ALOX5: variants seen among roughly 807,000 people sequenced by gnomAD.
The protein encoded by ALOX5 is polyunsaturated fatty acid 5-lipoxygenase.
ALOX5 carries 64 observed loss-of-function variants against 87.9 expected under a neutral mutation model. The observed-to-expected ratio is 0.73, with a 90% CI of 0.60 to 0.90. ALOX5 has a LOEUF of 0.90. ALOX5 is among the 40% of genes least tolerant of loss of function. ALOX5 has a pLI of 0.00. For missense variants in ALOX5, 822 were observed against 907.5 expected, an observed-to-expected ratio of 0.91 and a Z score of 1.21; for synonymous variants, 388 against 355.1, an observed-to-expected ratio of 1.09 and a Z score of -1.04.
chr10:45,441,309 G>T, intron 8 of ALOX5, 35 bp from the exon 9 acceptor site: 2 of 1,595,606 alleles, frequency 1.3e-6, no homozygotes, highest in Non-Finnish European at 1.7e-6. Context: ...ACCTGACTGG[G>T]CCCCCTCTGA....
chr10:45,438,100 A>T (rs1222163561), intron 7 of ALOX5, among the ~76,000 whole-genome samples: 1 of 150,920 alleles, frequency 6.6e-6, no homozygotes, highest in Non-Finnish European at 1.5e-5. Context: ...GAATCATATC[A>T]TGGATGAACA....
intron 2 of ALOX5, among the ~76,000 whole-genome samples, chr10:45,392,109 A>G (rs1218278874): frequency 6.7e-6 from 1 of 150,262 alleles, no homozygotes; most frequent in Non-Finnish European, 1.5e-5. Context: ...CCGCCCGGCC[A>G]GCTGCCCCGT....
chr10:45,393,800 A>G (rs1157786929), intron 2 of ALOX5, among the ~76,000 whole-genome samples: 1 of 152,242 alleles, frequency 6.6e-6, no homozygotes, highest in Non-Finnish European at 1.5e-5. Flanking sequence ...AAGCATTCTT[A>G]TACACCAATA....
At chr10:45,376,767 G>C (rs967947754) in intron 1 of ALOX5, among the ~76,000 whole-genome samples, 3 of 152,158 alleles carry the variant, frequency 2.0e-5, no homozygotes, top group Admixed American at 6.5e-5. Context: ...GTGAGTCACA[G>C]GTCCCTTGTT....
At chr10:45,443,903 C>G (rs1564452242) in intron 12 of ALOX5, 75 bp downstream of exon 12, 1 of 1,500,694 alleles carries the variant, frequency 6.7e-7, no homozygotes, top group South Asian at 1.2e-5. Flanking sequence ...CGGTTCTGCA[C>G]GCGTACTGCA....
At chr10:45,443,318 G>A (rs895013345) in intron 10 of ALOX5, 98 bp from the exon 11 acceptor site, 8 of 1,580,768 alleles carry the variant, frequency 5.1e-6, no homozygotes, top group Non-Finnish European at 6.9e-6. Flanking sequence ...GAATGGGGAC[G>A]GGGTGGGGGA....
chr10:45,421,360 G>A (rs1841500687), intron 4 of ALOX5, among the ~76,000 whole-genome samples: 2 of 152,206 alleles, frequency 1.3e-5, no homozygotes, highest in East Asian at 3.9e-4. Flanking sequence ...AAAGAACAGG[G>A]GCAAGGGACC....
At chr10:45,443,656 G>A (rs1842324790) in intron 11 of ALOX5, 72 bp from the exon 12 acceptor site, 1 of 1,590,716 alleles carries the variant, frequency 6.3e-7, no homozygotes. Context: ...CAGGGAATCC[G>A]GGCACGGGGT....
intron 4 of ALOX5, among the ~76,000 whole-genome samples, chr10:45,423,349 A>T (rs571721311): frequency 6.6e-6 from 1 of 152,276 alleles, no homozygotes; most frequent in South Asian, 2.1e-4. Context: ...CATGGTGAAC[A>T]CTGGGCAGCA....
intron 2 of ALOX5, among the ~76,000 whole-genome samples, chr10:45,384,833 CTATTAT>C (rs369749993): frequency 4.7e-5 from 7 of 149,240 alleles, no homozygotes; most frequent in South Asian, 2.1e-4. Flanking sequence ...AATTTGTGGC[CTATTAT>C]TATTATTATT....
intron 8 of ALOX5, among the ~76,000 whole-genome samples, 171 bp downstream of exon 8, chr10:45,440,804 G>C (rs1394739955): frequency 6.6e-6 from 1 of 152,200 alleles, no homozygotes; most frequent in Non-Finnish European, 1.5e-5. Context: ...AAACAGCTAG[G>C]AGCCTGCTGT....
chr10:45,395,755 C>T (rs548154516), intron 2 of ALOX5, 100 bp from the exon 3 acceptor site: 6 of 997,752 alleles, frequency 6.0e-6, no homozygotes, highest in East Asian at 2.5e-5. Context: ...ACATAAAGCA[C>T]TCGGCATGGG....
chr10:45,406,361 GGTTATC>G (rs1321256694), intron 3 of ALOX5, among the ~76,000 whole-genome samples: 1 of 152,132 alleles, frequency 6.6e-6, no homozygotes, highest in East Asian at 1.9e-4. Flanking sequence ...ACCAGCTTTT[GGTTATC>G]ATAACTTTCT....
chr10:45,440,614 C>A lies in ALOX5; in HGVS notation c.1166C>A (p.Ala389Asp), dbSNP rs1462885737. The stretch of plus-strand genomic sequence containing the variant: ...ATTGCAATGTACCGCCAGCTGCCTG[C>A]TGTGCACCCCATTTTCAAGGTACAG... The part of the protein sequence containing the change: ...FGIAMYRQLP[A>D]VHPIFKLLVA... The change falls in exon 8 of 14, where the codon GCT (alanine) becomes GAT (aspartate). Residue 389 changes from alanine to aspartate, a missense_variant. Physicochemically the swap from Ala to Asp is moderately radical, Grantham distance 126. Coordinates refer to ENST00000374391, the MANE Select transcript of ALOX5 (RefSeq NM_000698.5). The A allele has an allele frequency of 6.2e-7, 1 of 1,614,064 alleles. No individual in the cohort carries two copies. Among genetic ancestry groups the A allele is most frequent in the Non-Finnish European group, 8.5e-7 (1 of 1,180,038 alleles).
intron 2 of ALOX5, among the ~76,000 whole-genome samples, chr10:45,384,114 G>C (rs551558101): frequency 1.2e-4 from 19 of 152,346 alleles, no homozygotes; most frequent in Admixed American, 8.5e-4. Flanking sequence ...CACTAGTCCT[G>C]ATGCAGGGGG....
Position 45,440,646 on chromosome 10 carries a change from A to G in ALOX5, c.1185+13A>G, listed in dbSNP as rs1564448969. 1 of 1,612,960 alleles carries G rather than the reference A, an allele frequency of 6.2e-7. No individual in the cohort carries two copies. The highest frequency in any genetic ancestry group is 2.2e-5 in the East Asian group (1 of 44,862). On this transcript the variant is annotated intron_variant, in intron 8 of 13. Transcript: ENST00000374391. ...CCCCATTTTCAAGGTACAGCCAGCTACCGCCCCACCTGCTATGGGAGGGCA... is the reference window on the plus strand; with the variant it reads ...CCCCATTTTCAAGGTACAGCCAGCTGCCGCCCCACCTGCTATGGGAGGGCA...
chr10:45,438,605 C>T (rs1198046161), intron 7 of ALOX5, among the ~76,000 whole-genome samples: 2 of 152,160 alleles, frequency 1.3e-5, no homozygotes, highest in African/African-American at 2.4e-5. Flanking sequence ...CCAGGCAGCC[C>T]AGCATTCTAG....
In ALOX5 at chr10:45,393,321, T is replaced by C. The variant is rs192348728; in HGVS notation, c.350-2534T>C. On this transcript the variant is annotated intron_variant, in intron 2 of 13. Transcript: ENST00000374391. ...AACATACACAAATCAATAAATGTAA[T>C]CCAGCATATAAACAGAACCAAAGAC... Among the ~76,000 whole-genome samples the C allele has an allele frequency of 6.3e-3, 966 of 152,262 alleles. 9 individuals carry two copies. Among genetic ancestry groups the C allele is most frequent in the African/African-American group, 0.022 (926 of 41,532 alleles).
At chr10:45,424,281 C>G (rs71494781) in intron 5 of ALOX5, 134 bp downstream of exon 5, 1 of 731,620 alleles carries the variant, frequency 1.4e-6, no homozygotes, top group Non-Finnish European at 2.4e-6. Flanking sequence ...CCATGCCACC[C>G]TGGACAGCAC....
Sources: allele counts gnomAD v4.1 joint callset (sites outside exome capture counted in the v4.1 genomes callset), GRCh38; gene constraint gnomAD v4.1.1; transcripts MANE v1.5; gene names NCBI Gene and HGNC (gene_info 2026-07-23, HGNC 2026-07-21).